TNK1: variants seen among roughly 807,000 people sequenced by gnomAD.
TNK1 encodes tyrosine kinase non receptor 1.
A neutral mutation model predicts 65.2 loss-of-function variants in TNK1; 53 were observed. The observed-to-expected ratio is 0.81, with a 90% CI of 0.65 to 1.02. The LOEUF (loss-of-function observed/expected upper bound fraction) is 1.02. Ranked by LOEUF, TNK1 falls within the 50% of genes least tolerant of loss-of-function variation. The pLI is 0.00. For missense variants in TNK1, 837 were observed against 878.4 expected, an observed-to-expected ratio of 0.95 and a Z score of 0.60; for synonymous variants, 353 against 364.6, an observed-to-expected ratio of 0.97 and a Z score of 0.36.
rs1471754595 is a variant in TNK1 at position 7,389,043 on chromosome 17, G to A, written c.1945G>A (p.Asp649Asn). ...CWRILEHYQW[D>N]LSAASRYVLA... ...GCGCATCCTGGAGCATTACCAGTGG[G>A]ACCTCTCAGCTGCCAGCCGCTATGT... Residue 649 changes from aspartate to asparagine, a missense_variant, in exon 13 of 13, where the codon GAC becomes AAC. Physicochemically the swap from Asp to Asn is conservative, Grantham distance 23. Coordinates refer to ENST00000688331, the MANE Select transcript of TNK1 (RefSeq NM_003985.6). 9 of 1,554,676 alleles carry A rather than the reference G, an allele frequency of 5.8e-6. No homozygotes were observed. The highest frequency in any genetic ancestry group is 7.8e-6 in the Non-Finnish European group (9 of 1,148,636).
In TNK1 at chr17:7,384,168, G is replaced by T; in HGVS notation, c.781G>T (p.Val261Leu). The T allele has an allele frequency of 6.5e-7, 1 of 1,537,948 alleles. No homozygotes were observed. ...GCTGGCGTCGCCGCGCACCATCAAG[G>T]TGGCTGACTTCGGGCTGGTGCGGCC... is the stretch of plus-strand genomic sequence containing the variant. ...LLLASPRTIK[V>L]ADFGLVRPLG... The change falls in exon 6 of 13, where the codon GTG becomes TTG. Residue 261 changes from valine (V) to leucine (L), a missense_variant. Physicochemically the swap from Val to Leu is conservative, Grantham distance 32. Coordinates refer to ENST00000688331, the MANE Select transcript of TNK1 (RefSeq NM_003985.6).
At position 7,384,589 on chromosome 17, in the gene TNK1, G is replaced by C. The variant is rs1270295302; in HGVS notation, c.972G>C (p.Trp324Cys). The C allele has an allele frequency of 6.2e-7, 1 of 1,612,482 alleles. No individual in the cohort carries two copies. Among genetic ancestry groups the C allele is most frequent in the East Asian group, 2.2e-5 (1 of 44,848 alleles). The change falls in exon 7 of 13, where the codon TGG becomes TGC. Residue 324 changes from tryptophan (W) to cysteine (C), a missense_variant. Coordinates refer to ENST00000688331, the MANE Select transcript of TNK1 (RefSeq NM_003985.6). ...TGTTCTCCGGGGGCGAGGAACCCTG[G>C]GCCGGGGTCCCACCGTACCTCATCC... ...WEMFSGGEEP[W>C]AGVPPYLILQ...
At position 7,384,606 on chromosome 17, in the gene TNK1, A is replaced by T. The variant is rs766740742; in HGVS notation, c.989A>T (p.Tyr330Phe). ...GAACCCTGGGCCGGGGTCCCACCGT[A>T]CCTCATCCTGCAGCGGCTGGAGGAC... ...GEEPWAGVPP[Y>F]LILQRLEDRA... Residue 330 changes from tyrosine to phenylalanine, a missense_variant, in exon 7 of 13, where the codon TAC becomes TTC. Tyr to Phe is a conservative substitution (Grantham distance 22, BLOSUM62 3). Transcript: ENST00000688331. The T allele has an allele frequency of 1.2e-6, 2 of 1,612,418 alleles. No individual in the cohort carries two copies. The highest frequency in any genetic ancestry group is 1.7e-6 in the Non-Finnish European group (2 of 1,179,436).
intron 7 of TNK1, among the ~76,000 whole-genome samples, chr17:7,385,617 T>G (rs1905137264): frequency 6.6e-6 from 1 of 152,078 alleles, no homozygotes; most frequent in African/African-American, 2.4e-5. Flanking sequence ...CTAGCTGGAG[T>G]GCAGTGGTGG....
At chr17:7,380,059 G>C (rs1030450198), upstream of TNK1, among the ~76,000 whole-genome samples, 1 of 152,094 alleles carries the variant, frequency 6.6e-6, no homozygotes, top group Non-Finnish European at 1.5e-5. Flanking sequence ...TGGGTCTCTG[G>C]GTACTGGCTG....
Position 7,388,839 on chromosome 17 carries a change from G to A in TNK1, c.1828G>A (p.Gly610Arg). Residue 610 changes from glycine (G) to arginine (R), a missense_variant, in exon 12 of 13, where the codon GGA (glycine) becomes AGA (arginine). Coordinates refer to ENST00000688331, the MANE Select transcript of TNK1 (RefSeq NM_003985.6). This position sits in a 1 kb window ranked among gnomAD's most constrained non-coding sequence, Gnocchi z 4.5. Reference sequence around the variant, plus strand: ...CCACCAGGAGTGCCAGACAGCACTAGGAGCCACTGGGGGAGATGTGGTTTC... The same window carrying A: ...CCACCAGGAGTGCCAGACAGCACTAAGAGCCACTGGGGGAGATGTGGTTTC... ...VTHQECQTAL[G>R]ATGGDVVSAI... 6.2e-7 allele frequency: 1 copy of A among 1,606,880 alleles called. No homozygotes were observed. The highest frequency in any genetic ancestry group is 2.2e-5 in the East Asian group (1 of 44,640).
chr17:7,388,065 C>G lies in TNK1; in HGVS notation c.1478-341C>G, dbSNP rs1211186473. On this transcript the variant is annotated intron_variant, in intron 10 of 12. Transcript: ENST00000688331. This position sits in a 1 kb window ranked among gnomAD's most constrained non-coding sequence, Gnocchi z 4.5. ...ATTGTCCCACCTGACACATGAACCA[C>G]CCAGGGACAGGGCTGGCTAGCTCAT... 6.6e-6 allele frequency among the ~76,000 whole-genome samples: 1 copy of G among 152,178 alleles called. No homozygotes were observed. Among genetic ancestry groups the G allele is most frequent in the Non-Finnish European group, 1.5e-5 (1 of 68,042 alleles).
Position 7,389,109 on chromosome 17 carries a change from C to T in TNK1, c.*25C>T, listed in dbSNP as rs1905415945. ...AGCTCAGCTTCTGCGGGCACAGACA[C>T]CAGCATGAAAAGCCTAGGCCCCTGA... On this transcript the variant is annotated 3_prime_UTR_variant, in exon 13 of 13. Coordinates refer to ENST00000688331, the MANE Select transcript of TNK1 (RefSeq NM_003985.6). The T allele has an allele frequency of 2.0e-6, 3 of 1,536,162 alleles. No homozygotes were observed. In the East Asian group the frequency reaches 7.3e-5, roughly 38 times the overall value.
Position 7,388,300 on chromosome 17 carries a change from C to A in TNK1, c.1478-106C>A. On this transcript the variant is annotated intron_variant, in intron 10 of 12. Coordinates refer to ENST00000688331, the MANE Select transcript of TNK1 (RefSeq NM_003985.6). This position sits in a 1 kb window ranked among gnomAD's most constrained non-coding sequence, Gnocchi z 4.5. Reference sequence around the variant, plus strand: ...ATTAGCCAGTCGTAATGGCAGGCACCTATAGTCCCAGCTACTCGGGAGGCT... The same window carrying A: ...ATTAGCCAGTCGTAATGGCAGGCACATATAGTCCCAGCTACTCGGGAGGCT... 1 of 1,187,174 alleles carries A rather than the reference C, an allele frequency of 8.4e-7. No individual in the cohort carries two copies. Among genetic ancestry groups the A allele is most frequent in the Non-Finnish European group, 1.2e-6 (1 of 848,616 alleles). 73.5% of individuals were successfully genotyped at this position (1,187,174 alleles called of 1,614,324 possible).
chr17:7,381,656 A>C (rs1904819388), intron 1 of TNK1, among the ~76,000 whole-genome samples: 1 of 152,224 alleles, frequency 6.6e-6, no homozygotes, highest in Admixed American at 6.5e-5. Context: ...AGCGGCCATC[A>C]CAAGTGCCTG....
Position 7,384,228 on chromosome 17 carries a change from G to C in TNK1, c.841G>C (p.Gly281Arg), listed in dbSNP as rs2143112314. Residue 281 changes from glycine to arginine, a missense_variant, in exon 6 of 13, where the codon GGG becomes CGG. Coordinates refer to ENST00000688331, the MANE Select transcript of TNK1 (RefSeq NM_003985.6). ...GGARGRYVMG[G>R]PRPIPYAWCA... ...TGCCCGGGGCCGCTACGTCATGGGC[G>C]GGCCCCGCCCTATCCCCTACGCCTG... The C allele has an allele frequency of 6.6e-7, 1 of 1,508,222 alleles. No individual in the cohort carries two copies. The highest frequency in any genetic ancestry group is 8.8e-7 in the Non-Finnish European group (1 of 1,136,410). 93.4% of individuals were successfully genotyped at this position (1,508,222 alleles called of 1,614,324 possible). A position where few individuals can be genotyped will look rare whatever the true frequency, so the allele number is the denominator to read the frequency against.
chr17:7,383,571 C>T lies in TNK1; in HGVS notation c.381C>T (p.Phe127=), dbSNP rs762718215. 26 of 1,611,764 alleles carry T rather than the reference C, an allele frequency of 1.6e-5. No homozygotes were observed. In the Middle Eastern group the frequency reaches 4.9e-4, roughly 31 times the overall value. The stretch of plus-strand genomic sequence containing the variant: ...GGGAGCTGCTGGGTTCAGGCTGCTT[C>T]GGTGTGGTGCACCGAGGGCTGTGGA... ...CRGELLGSGC[F]GVVHRGLWTL... Residue 127 remains phenylalanine, a synonymous_variant, in exon 4 of 13, where the codon TTC becomes TTT. Coordinates refer to ENST00000688331, the MANE Select transcript of TNK1 (RefSeq NM_003985.6).
intron 8 of TNK1, 51 bp from the exon 9 acceptor site, chr17:7,386,939 C>G: frequency 1.3e-6 from 2 of 1,497,720 alleles, no homozygotes; most frequent in Non-Finnish European, 1.8e-6. Context: ...AGGGCCCAGC[C>G]CTAACTCTTG....
At position 7,383,819 on chromosome 17, in the gene TNK1, C is replaced by A. The variant is rs1567645312; in HGVS notation, c.537C>A (p.His179Gln). ...VSVMMNLEHP[H>Q]VLRLHGLVLG... ...TCATGATGAACTTGGAGCACCCACA[C>A]GTGCTGCGTCTGCACGGCCTTGTAC... The change falls in exon 5 of 13, where the codon CAC becomes CAA. Residue 179 changes from histidine to glutamine, a missense_variant. His to Gln is a conservative substitution (Grantham distance 24). Coordinates refer to ENST00000688331, the MANE Select transcript of TNK1 (RefSeq NM_003985.6). 1.2e-6 allele frequency: 2 copies of A among 1,612,558 alleles called. No homozygotes were observed. The highest frequency in any genetic ancestry group is 1.7e-6 in the Non-Finnish European group (2 of 1,179,410).
intron 10 of TNK1, among the ~76,000 whole-genome samples, chr17:7,388,000 C>T (rs72842808): frequency 0.13 from 19,868 of 152,184 alleles, 1,592 homozygotes; most frequent in East Asian, 0.29. Flanking sequence ...TTCTCTGGGC[C>T]CTCCGCCTAG....
At position 7,382,799 on chromosome 17, in the gene TNK1, C is replaced by T. The variant is rs1221531373; in HGVS notation, c.-91-37C>T. 5.0e-6 allele frequency: 5 copies of T among 1,003,120 alleles called. No individual in the cohort carries two copies. The highest frequency in any genetic ancestry group is 4.8e-5 in the African/African-American group (3 of 62,082). 62.1% of individuals were successfully genotyped at this position (1,003,120 alleles called of 1,614,324 possible). A position where few individuals can be genotyped will look rare whatever the true frequency, so the allele number is the denominator to read the frequency against. ...GGATCCTGGCTGTCTCTGCTGTGTC[C>T]CTGCCTCTGTACCTGAGTGTTTCTA... On this transcript the variant is annotated intron_variant, in intron 1 of 12. Coordinates refer to ENST00000688331, the MANE Select transcript of TNK1 (RefSeq NM_003985.6). The surrounding 1 kb of genome is among the most constrained non-coding windows in gnomAD (Gnocchi z 4.1).
rs752478675 is a variant in TNK1 at position 7,388,441 on chromosome 17, G to A, written c.1513G>A (p.Gly505Ser). 2.0e-5 allele frequency: 33 copies of A among 1,613,306 alleles called. No individual in the cohort carries two copies. Among genetic ancestry groups the A allele is most frequent in the South Asian group, 1.4e-4 (13 of 91,052 alleles). The part of the protein sequence containing the change: ...SRSLESVLSL[G>S]PRPTGGGSSP... Reference sequence around the variant, plus strand: ...GAGTCTGGAGTCAGTTCTGTCCCTCGGTCCTCGTCCCACAGGGGGTGGTTC... The same window carrying A: ...GAGTCTGGAGTCAGTTCTGTCCCTCAGTCCTCGTCCCACAGGGGGTGGTTC... Residue 505 changes from glycine to serine, a missense_variant, in exon 11 of 13, where the codon GGT becomes AGT. Transcript: ENST00000688331. This position sits in a 1 kb window ranked among gnomAD's most constrained non-coding sequence, Gnocchi z 4.5.
chr17:7,387,737 T>C (rs959976842), intron 10 of TNK1, among the ~76,000 whole-genome samples: 1 of 152,022 alleles, frequency 6.6e-6, no homozygotes, highest in Non-Finnish European at 1.5e-5. Flanking sequence ...CCCGAGTAGC[T>C]GGGACTACAG....
chr17:7,389,134 A>AG lies in TNK1; in HGVS notation c.*53dup. 3 of 1,444,082 alleles carry AG rather than the reference A, an allele frequency of 2.1e-6. No individual in the cohort carries two copies. Among genetic ancestry groups the AG allele is most frequent in the Non-Finnish European group, 2.9e-6 (3 of 1,052,390 alleles). The allele number at this position is 1,444,082 out of a possible 1,614,324, so 89.5% of individuals were successfully genotyped here. A position where few individuals can be genotyped will look rare whatever the true frequency, so the allele number is the denominator to read the frequency against. ...CCAGCATGAAAAGCCTAGGCCCCTG[A>AG]GGGCCTGGCCACATGGGACCAAGCG... On this transcript the variant is annotated 3_prime_UTR_variant, in exon 13 of 13. Coordinates refer to ENST00000688331, the MANE Select transcript of TNK1 (RefSeq NM_003985.6).
Sources: allele counts gnomAD v4.1 joint callset (sites outside exome capture counted in the v4.1 genomes callset), GRCh38; gene constraint gnomAD v4.1.1; non-coding constraint Gnocchi (gnomAD v3.1); transcripts MANE v1.5; gene names NCBI Gene and HGNC (gene_info 2026-07-23, HGNC 2026-07-21).